The following PLCXD3 variants were observed in gnomAD, a reference collection of about 807,000 sequenced individuals.
The protein encoded by PLCXD3 is phosphatidylinositol specific phospholipase C X domain containing 3, also known as PI-PLC X domain-containing protein 3.
In PLCXD3, 19 loss-of-function variants were observed where a neutral mutation model predicts 25.5. The observed-to-expected ratio is 0.75, with a 90% CI of 0.52 to 1.09. The LOEUF (loss-of-function observed/expected upper bound fraction) is 1.09. PLCXD3 is among the 50% of genes least tolerant of loss of function. PLCXD3 has a pLI of 0.00. For missense variants in PLCXD3, 411 were observed against 388.1 expected (o/e 1.06, Z -0.50); for synonymous variants, 174 against 137.6 (o/e 1.26, Z -1.85).
At chr5:41,487,938 T>C (rs1427437391) in intron 1 of PLCXD3, among the ~76,000 whole-genome samples, 2 of 152,070 alleles carry the variant, frequency 1.3e-5, no homozygotes, top group African/African-American at 4.8e-5. Flanking sequence ...TTATTATACT[T>C]CAAGTTTTAG....
chr5:41,432,008 G>A (rs2150508938), intron 1 of PLCXD3, among the ~76,000 whole-genome samples: 1 of 152,236 alleles, frequency 6.6e-6, no homozygotes, highest in East Asian at 1.9e-4. Flanking sequence ...GTTAGGGAAT[G>A]AGAAGAATGG....
In PLCXD3 at chr5:41,312,642, C is replaced by A. The variant is rs1256048660; in HGVS notation, c.*975G>T. On this transcript the variant is annotated 3_prime_UTR_variant, in exon 3 of 3. Transcript: ENST00000377801. ...TCCTCCCGTCCTTCCTTCTGTCCTTCCCTCCCTTCTTCCCTCCCTTCCTCC... is the reference window on the plus strand; with the variant it reads ...TCCTCCCGTCCTTCCTTCTGTCCTTACCTCCCTTCTTCCCTCCCTTCCTCC... 7.5e-6 allele frequency: 1 copy of A among 132,594 alleles called. No individual in the cohort carries two copies. Among genetic ancestry groups the A allele is most frequent in the African/African-American group, 2.8e-5 (1 of 36,134 alleles). The allele number at this position is 132,594 out of a possible 1,614,324, so 8.2% of individuals were successfully genotyped here.
chr5:41,463,110 A>G (rs373472358), intron 1 of PLCXD3, among the ~76,000 whole-genome samples: 16 of 152,216 alleles, frequency 1.1e-4, no homozygotes, highest in African/African-American at 3.8e-4. Flanking sequence ...TTCTTTGAGT[A>G]AAGTGACTGT....
chr5:41,432,871 C>A (rs1374293673), intron 1 of PLCXD3, among the ~76,000 whole-genome samples: 1 of 152,180 alleles, frequency 6.6e-6, no homozygotes, highest in African/African-American at 2.4e-5. Context: ...GACTGATGGA[C>A]CTTTTCTTTT....
intron 2 of PLCXD3, among the ~76,000 whole-genome samples, chr5:41,373,120 C>G (rs558199106): frequency 1.3e-5 from 2 of 152,152 alleles, no homozygotes; most frequent in East Asian, 3.9e-4. Flanking sequence ...GTTATACCCC[C>G]TTCTTCACTA....
chr5:41,507,978 C>T (rs149750323), intron 1 of PLCXD3, among the ~76,000 whole-genome samples: 1 of 152,156 alleles, frequency 6.6e-6, no homozygotes, highest in African/African-American at 2.4e-5. Context: ...CAAAAAGGTG[C>T]CAAACCTGTT....
chr5:41,423,921 A>T (rs928467203), intron 1 of PLCXD3, among the ~76,000 whole-genome samples: 12 of 152,190 alleles, frequency 7.9e-5, no homozygotes, highest in Non-Finnish European at 1.0e-4. Flanking sequence ...AATACCCATC[A>T]CCTCACATAG....
At chr5:41,495,925 T>A (rs1379642709) in intron 1 of PLCXD3, among the ~76,000 whole-genome samples, 2 of 152,070 alleles carry the variant, frequency 1.3e-5, no homozygotes, top group Non-Finnish European at 2.9e-5. Flanking sequence ...AACAGAGATA[T>A]GTGAATTACC....
At chr5:41,413,288 G>T (rs1746609405) in intron 1 of PLCXD3, among the ~76,000 whole-genome samples, 1 of 152,166 alleles carries the variant, frequency 6.6e-6, no homozygotes, top group Non-Finnish European at 1.5e-5. Flanking sequence ...GCTGCGAGCT[G>T]GCTCAATTGC....
intron 1 of PLCXD3, among the ~76,000 whole-genome samples, chr5:41,479,309 A>G (rs958686525): frequency 5.3e-5 from 8 of 152,148 alleles, no homozygotes; most frequent in African/African-American, 1.9e-4. Context: ...AAGTAGAGTG[A>G]TGGTTGCCAG....
intron 2 of PLCXD3, among the ~76,000 whole-genome samples, chr5:41,334,716 A>C (rs538769643): frequency 4.1e-4 from 62 of 152,268 alleles, no homozygotes; most frequent in African/African-American, 1.5e-3. Flanking sequence ...AAAACCATTA[A>C]AAATCCATTT....
At chr5:41,402,646 A>T (rs1746221014) in intron 1 of PLCXD3, among the ~76,000 whole-genome samples, 1 of 151,924 alleles carries the variant, frequency 6.6e-6, no homozygotes, top group Non-Finnish European at 1.5e-5. Context: ...AATTATTGAG[A>T]AAGGAATTTT....
chr5:41,441,617 T>C (rs1301693083), intron 1 of PLCXD3, among the ~76,000 whole-genome samples: 3 of 152,162 alleles, frequency 2.0e-5, no homozygotes, highest in Non-Finnish European at 4.4e-5. Context: ...ATTATGTAGA[T>C]TTCTATATGT....
At chr5:41,496,778 T>C (rs1272652931) in intron 1 of PLCXD3, among the ~76,000 whole-genome samples, 4 of 143,842 alleles carry the variant, frequency 2.8e-5, no homozygotes, top group Non-Finnish European at 6.1e-5. Flanking sequence ...AAGATAAATA[T>C]AGAGATAAAT....
At chr5:41,339,063 G>A (rs1744061805) in intron 2 of PLCXD3, among the ~76,000 whole-genome samples, 1 of 152,126 alleles carries the variant, frequency 6.6e-6, no homozygotes, top group South Asian at 2.1e-4. Flanking sequence ...TCTGCAGTGA[G>A]TGGCAGGTAT....
Position 41,310,376 on chromosome 5 carries a change from T to A in PLCXD3, c.*3241A>T, listed in dbSNP as rs926026534. 1 of 152,120 alleles carries A rather than the reference T, an allele frequency of 6.6e-6. No homozygotes were observed. The highest frequency in any genetic ancestry group is 1.5e-5 in the Non-Finnish European group (1 of 68,012). 9.4% of individuals were successfully genotyped at this position (152,120 alleles called of 1,614,324 possible). ...GCTGTAGATTGGGTAAAAGTTAGAT[T>A]GTATTTGTTTGGTTGTTTTGTTTTG... On this transcript the variant is annotated 3_prime_UTR_variant, in exon 3 of 3. Transcript: ENST00000377801.
chr5:41,328,532 C>G (rs1277086174), intron 2 of PLCXD3, among the ~76,000 whole-genome samples: 2 of 152,122 alleles, frequency 1.3e-5, no homozygotes, highest in Admixed American at 6.6e-5. Flanking sequence ...GTCCGAGTAT[C>G]CTTTTCCCAC....
intron 1 of PLCXD3, among the ~76,000 whole-genome samples, chr5:41,418,940 A>G (rs191135603): frequency 1.2e-4 from 19 of 152,324 alleles, no homozygotes; most frequent in Middle Eastern, 3.4e-3. Context: ...AGTAGGAGTC[A>G]GAGAGAGGCC....
chr5:41,346,132 C>T (rs996763243), intron 2 of PLCXD3, among the ~76,000 whole-genome samples: 6 of 152,188 alleles, frequency 3.9e-5, no homozygotes, highest in African/African-American at 1.2e-4. Context: ...CCGCCCGCCT[C>T]GGCCTCCCGA....
Sources: gnomAD v4.1 joint callset for allele counts (sites outside exome capture counted in the v4.1 genomes callset) on GRCh38, gnomAD v4.1.1 for gene constraint, MANE v1.5 for transcripts, NCBI Gene and HGNC (gene_info 2026-07-23, HGNC 2026-07-21) for gene names.